The following NOS1AP variants were observed in gnomAD, a reference collection of about 807,000 sequenced individuals.
NOS1AP encodes carboxyl-terminal PDZ ligand of neuronal nitric oxide synthase protein.
A neutral mutation model predicts 56.2 loss-of-function variants in NOS1AP; 21 were observed. That is an observed-to-expected ratio of 0.37 (90% CI 0.26 to 0.54). The LOEUF is 0.54. Among genes scored for constraint, NOS1AP ranks in the 20% least tolerant of loss-of-function variants. The pLI, the probability that NOS1AP is intolerant of heterozygous loss-of-function variation, is 0.84. For missense variants in NOS1AP, 522 were observed against 657.8 expected, an observed-to-expected ratio of 0.79 and a Z score of 2.26; for synonymous variants, 270 against 274.6, an observed-to-expected ratio of 0.98 and a Z score of 0.17.
At chr1:162,126,584 A>T (rs1249098160) in intron 1 of NOS1AP, among the ~76,000 whole-genome samples, 2 of 151,872 alleles carry the variant, frequency 1.3e-5, no homozygotes, top group Non-Finnish European at 2.9e-5. Context: ...CATCCTGGAA[A>T]TCATCCATGC....
intron 2 of NOS1AP, among the ~76,000 whole-genome samples, chr1:162,286,865 A>G (rs1044780377): frequency 1.3e-5 from 2 of 152,222 alleles, no homozygotes; most frequent in South Asian, 2.1e-4. Context: ...GAAATTTGAA[A>G]TTGAACTTTT....
Position 162,158,445 on chromosome 1 carries a change from A to G in NOS1AP, c.177+3969A>G, listed in dbSNP as rs1212310218. Among the ~76,000 whole-genome samples, 5 of 152,326 alleles carry G rather than the reference A, an allele frequency of 3.3e-5. No homozygotes were observed. In the East Asian group the frequency reaches 9.6e-4, roughly 29 times the overall value. On this transcript the variant is annotated intron_variant, in intron 2 of 9. Coordinates refer to ENST00000361897, the MANE Select transcript of NOS1AP (RefSeq NM_014697.3). ...TCTTGGCTGTTGTGAATAGTGCTGC[A>G]ATGAACATAGGTATGTAAATATCTT... is the stretch of plus-strand genomic sequence containing the variant.
At chr1:162,205,742 A>G (rs1190874089) in intron 2 of NOS1AP, among the ~76,000 whole-genome samples, 2 of 152,164 alleles carry the variant, frequency 1.3e-5, no homozygotes, top group African/African-American at 4.8e-5. Flanking sequence ...CAGGCCTGTT[A>G]TAATTCCCAG....
rs540590784 is a variant in NOS1AP, at chr1:162,335,777, C to CT, written c.453+2653dup. On this transcript the variant is annotated intron_variant, in intron 5 of 9. Coordinates refer to ENST00000361897, the MANE Select transcript of NOS1AP (RefSeq NM_014697.3). ...GCTGTTTCATATCACATCATGTCCC[C>CT]TGCGTATATGCTCATGACCTCTAAT... 2.0e-5 allele frequency among the ~76,000 whole-genome samples: 3 copies of CT among 152,308 alleles called. No homozygotes were observed. In the South Asian group the frequency reaches 6.2e-4, roughly 32 times the overall value.
At chr1:162,249,936 G>A (rs1001641674) in intron 2 of NOS1AP, among the ~76,000 whole-genome samples, 5 of 152,206 alleles carry the variant, frequency 3.3e-5, no homozygotes, top group African/African-American at 1.2e-4. Flanking sequence ...AGATGAGGAA[G>A]TAAAGACTTT....
At chr1:162,087,136 G>T (rs559629627) in intron 1 of NOS1AP, among the ~76,000 whole-genome samples, 1 of 152,302 alleles carries the variant, frequency 6.6e-6, no homozygotes, top group South Asian at 2.1e-4. Flanking sequence ...CACAGGGTTG[G>T]ATGAATTCAG....
chr1:162,284,118 C>G (rs12028141), intron 2 of NOS1AP, among the ~76,000 whole-genome samples: 43,948 of 152,104 alleles, frequency 0.29, 6,776 homozygotes, highest in East Asian at 0.59. Context: ...AGCCCCTTCT[C>G]TTCTCCATTC....
chr1:162,153,669 T>C (rs899982239), intron 1 of NOS1AP, among the ~76,000 whole-genome samples: 39 of 152,214 alleles, frequency 2.6e-4, no homozygotes, highest in African/African-American at 8.9e-4. Context: ...GTGAGTAATA[T>C]GAACCTTTAC....
chr1:162,160,724 T>A (rs1228481674), intron 2 of NOS1AP, among the ~76,000 whole-genome samples: 2 of 152,206 alleles, frequency 1.3e-5, no homozygotes, highest in Non-Finnish European at 2.9e-5. Context: ...AAGTTCAGAG[T>A]TGGCAAGCCT....
At chr1:162,095,230 G>T (rs1216341258) in intron 1 of NOS1AP, among the ~76,000 whole-genome samples, 1 of 152,138 alleles carries the variant, frequency 6.6e-6, no homozygotes, top group East Asian at 1.9e-4. Flanking sequence ...ATTTGGAGGT[G>T]GGGCCTTTGG....
At position 162,069,782 on chromosome 1, in the gene NOS1AP, CT is replaced by C; in HGVS notation, c.-392del. 3 of 155,034 alleles carry C rather than the reference CT, an allele frequency of 1.9e-5. No homozygotes were observed. The highest frequency in any genetic ancestry group is 4.3e-5 in the Non-Finnish European group (3 of 70,008). The allele number at this position is 155,034 out of a possible 1,614,324, so 9.6% of individuals were successfully genotyped here. On this transcript the variant is annotated 5_prime_UTR_variant, in exon 1 of 10. Coordinates refer to ENST00000361897, the MANE Select transcript of NOS1AP (RefSeq NM_014697.3). ...CCGCCACCGCCACCGCCACCGTCGC[CT>C]TTTCTTCTTCGTCCCGGGCGGTGCG...
intron 2 of NOS1AP, among the ~76,000 whole-genome samples, chr1:162,255,929 G>A (rs1654014072): frequency 6.6e-6 from 1 of 152,134 alleles, no homozygotes. Flanking sequence ...AGATCACCTG[G>A]GGTCAGGAGT....
At chr1:162,210,679 G>A (rs1652322469) in intron 2 of NOS1AP, among the ~76,000 whole-genome samples, 1 of 152,182 alleles carries the variant, frequency 6.6e-6, no homozygotes, top group Non-Finnish European at 1.5e-5. Flanking sequence ...TCAAGGCCAT[G>A]GTGGTGACTC....
intron 1 of NOS1AP, among the ~76,000 whole-genome samples, chr1:162,110,404 G>A (rs1647665934): frequency 6.6e-6 from 1 of 151,964 alleles, no homozygotes; most frequent in Non-Finnish European, 1.5e-5. Flanking sequence ...TAATAAATTT[G>A]TTGCTTTAGA....
In NOS1AP at chr1:162,368,821, A is replaced by G. The variant is rs1571253300; in HGVS notation, c.*1354A>G. On this transcript the variant is annotated 3_prime_UTR_variant, in exon 10 of 10. Transcript: ENST00000361897. ...GGGGAATTAAGTCTTTATCCTAGAC[A>G]ACAAGGTACAGATGCAAACTGCAGT... The G allele has an allele frequency of 6.6e-6, 1 of 151,542 alleles. No individual in the cohort carries two copies. The highest frequency in any genetic ancestry group is 2.5e-5 in the African/African-American group (1 of 40,802). The allele number at this position is 151,542 out of a possible 1,614,324, so 9.4% of individuals were successfully genotyped here.
At chr1:162,355,621 G>A (rs1372796409) in intron 7 of NOS1AP, among the ~76,000 whole-genome samples, 1 of 151,972 alleles carries the variant, frequency 6.6e-6, no homozygotes, top group Non-Finnish European at 1.5e-5. Flanking sequence ...CTACTCCCTG[G>A]CACCCTCTTC....
intron 2 of NOS1AP, among the ~76,000 whole-genome samples, chr1:162,229,876 A>G (rs941895631): frequency 2.0e-5 from 3 of 152,212 alleles, no homozygotes; most frequent in African/African-American, 7.2e-5. Flanking sequence ...TCAACTGCTC[A>G]AAGCCTTGTG....
intron 3 of NOS1AP, among the ~76,000 whole-genome samples, chr1:162,289,225 C>CT (rs774169297): frequency 0.17 from 6,093 of 35,310 alleles, 440 homozygotes; most frequent in Non-Finnish European, 0.2. Flanking sequence ...TCCTTCCTTC[C>CT]TTCCTTCCTT....
chr1:162,353,862 T>C (rs1657604289), intron 6 of NOS1AP, among the ~76,000 whole-genome samples: 1 of 152,228 alleles, frequency 6.6e-6, no homozygotes, highest in Admixed American at 6.5e-5. Context: ...AGGTGCAGGC[T>C]GTGGTAGAAA....
Sources: allele counts gnomAD v4.1 joint callset (sites outside exome capture counted in the v4.1 genomes callset), GRCh38; gene constraint gnomAD v4.1.1; transcripts MANE v1.5; gene names NCBI Gene and HGNC (gene_info 2026-07-23, HGNC 2026-07-21).